ITPK1: variants seen among roughly 807,000 people sequenced by gnomAD.
ITPK1 encodes the protein inositol-tetrakisphosphate 1-kinase.
A neutral mutation model predicts 45.3 loss-of-function variants in ITPK1; 21 were observed. The ratio of observed to expected loss-of-function variants is 0.46; its 90% CI spans 0.33 to 0.67. ITPK1 has a LOEUF of 0.67. ITPK1 is among the 30% of genes least tolerant of loss of function. ITPK1 has a pLI of 0.02. For missense variants in ITPK1, 474 were observed against 573.5 expected (o/e 0.83, Z 1.77); for synonymous variants, 258 against 253.6 (o/e 1.02, Z -0.16).
At chr14:93,113,126 T>C (rs1029956070) in intron 2 of ITPK1, among the ~76,000 whole-genome samples, 1 of 152,276 alleles carries the variant, frequency 6.6e-6, no homozygotes, top group African/African-American at 2.4e-5. Flanking sequence ...CCTCGGGTTC[T>C]AGAATGGCCC....
At chr14:93,101,108 G>A (rs1324825316) in intron 2 of ITPK1, among the ~76,000 whole-genome samples, 3 of 152,152 alleles carry the variant, frequency 2.0e-5, no homozygotes, top group African/African-American at 7.2e-5. Context: ...GGCCGGGATG[G>A]GGTCCACCAA....
chr14:93,016,425 C>A lies in ITPK1; in HGVS notation c.246+251G>T, dbSNP rs1401738160. On this transcript the variant is annotated intron_variant, in intron 4 of 10. Transcript: ENST00000267615. The surrounding 1 kb of genome is among the most constrained non-coding windows in gnomAD (Gnocchi z 5.0). ...ACTCAGCGATGCCTCATCAGTAAACCGTGTCTACACAGCCAGGGGGTGGAG... is the reference window on the plus strand; with the variant it reads ...ACTCAGCGATGCCTCATCAGTAAACAGTGTCTACACAGCCAGGGGGTGGAG... Among the ~76,000 whole-genome samples the A allele has an allele frequency of 6.6e-6, 1 of 152,062 alleles. No homozygotes were observed.
At chr14:93,106,802 G>A (rs1410882480) in intron 2 of ITPK1, among the ~76,000 whole-genome samples, 4 of 152,052 alleles carry the variant, frequency 2.6e-5, no homozygotes, top group East Asian at 3.9e-4. Context: ...AAGCCCCTCC[G>A]GAACCTGGGA....
At position 92,958,593 on chromosome 14, in the gene ITPK1, C is replaced by T. The variant is rs567056248; in HGVS notation, c.505-227G>A. 3.0e-4 allele frequency among the ~76,000 whole-genome samples: 46 copies of T among 152,162 alleles called. No individual in the cohort carries two copies. Among genetic ancestry groups the T allele is most frequent in the Non-Finnish European group, 4.7e-4 (32 of 68,032 alleles). ...ACGGGGTTGGAGATCCTCCCTTCAC[C>T]GGGCCTGCCATGTGAGATCGAGCTG... On this transcript the variant is annotated intron_variant, in intron 7 of 10. Coordinates refer to ENST00000267615, the MANE Select transcript of ITPK1 (RefSeq NM_014216.6). The surrounding 1 kb of genome is among the most constrained non-coding windows in gnomAD (Gnocchi z 4.4).
chr14:93,100,837 G>C (rs923826941), intron 2 of ITPK1, among the ~76,000 whole-genome samples: 3 of 152,162 alleles, frequency 2.0e-5, no homozygotes, highest in African/African-American at 7.2e-5. Flanking sequence ...GAGAGGACTG[G>C]AGCACACAGC....
chr14:92,938,800 G>A lies in ITPK1; in HGVS notation c.*2761C>T. 3.5e-6 allele frequency: 2 copies of A among 578,246 alleles called. No homozygotes were observed. The highest frequency in any genetic ancestry group is 6.1e-6 in the Non-Finnish European group (2 of 325,368). The allele number at this position is 578,246 out of a possible 1,614,324, so 35.8% of individuals were successfully genotyped here. ...ACCCAGCAGCTGGCACTCAGTTGGGGGGTTATGTTTGCAGAATCACATCAC... is the reference window on the plus strand; with the variant it reads ...ACCCAGCAGCTGGCACTCAGTTGGGAGGTTATGTTTGCAGAATCACATCAC... On this transcript the variant is annotated 3_prime_UTR_variant, in exon 11 of 11. Coordinates refer to ENST00000267615, the MANE Select transcript of ITPK1 (RefSeq NM_014216.6).
At chr14:93,047,471 T>A (rs1164694806) in intron 3 of ITPK1, among the ~76,000 whole-genome samples, 1 of 152,178 alleles carries the variant, frequency 6.6e-6, no homozygotes, top group East Asian at 1.9e-4. Flanking sequence ...ATATGACTAG[T>A]GTCCTTATAG....
intron 2 of ITPK1, among the ~76,000 whole-genome samples, chr14:93,094,521 T>C (rs1335383509): frequency 6.6e-6 from 1 of 152,160 alleles, no homozygotes; most frequent in Non-Finnish European, 1.5e-5. Context: ...GTGCATGCCC[T>C]GTGCTGGGTG....
intron 3 of ITPK1, among the ~76,000 whole-genome samples, chr14:93,024,625 C>G (rs1888640327): frequency 6.6e-6 from 1 of 152,190 alleles, no homozygotes; most frequent in Admixed American, 6.5e-5. Flanking sequence ...TCACCTCCAC[C>G]AGAACTACCG....
At chr14:93,084,540 G>A (rs1329138033) in intron 2 of ITPK1, among the ~76,000 whole-genome samples, 2 of 151,940 alleles carry the variant, frequency 1.3e-5, no homozygotes, top group African/African-American at 2.4e-5. Flanking sequence ...CATGCTGAAT[G>A]AGTTGTGAGT....
At chr14:93,084,543 T>C (rs1891574758) in intron 2 of ITPK1, among the ~76,000 whole-genome samples, 1 of 150,150 alleles carries the variant, frequency 6.7e-6, no homozygotes, top group East Asian at 2.0e-4. Flanking sequence ...GCTGAATGAG[T>C]TGTGAGTAAA....
intron 10 of ITPK1, among the ~76,000 whole-genome samples, chr14:92,945,250 A>G (rs1887627950): frequency 6.6e-6 from 1 of 152,240 alleles, no homozygotes; most frequent in Admixed American, 6.5e-5. Context: ...AGGAGCCAGC[A>G]CACTCCTCTG....
At chr14:93,113,919 A>C (rs116556177) in intron 2 of ITPK1, among the ~76,000 whole-genome samples, 4,388 of 152,306 alleles carry the variant, frequency 0.029, 106 homozygotes, top group Admixed American at 0.083. Context: ...GCCCTTGGGA[A>C]AGGCATGAGG....
chr14:93,049,939 T>G (rs765333817), intron 3 of ITPK1, among the ~76,000 whole-genome samples: 3 of 151,876 alleles, frequency 2.0e-5, no homozygotes, highest in Admixed American at 1.3e-4. Flanking sequence ...GGAGTCAAGT[T>G]ACAAACACGG....
intron 2 of ITPK1, among the ~76,000 whole-genome samples, chr14:93,111,785 C>T (rs1355131989): frequency 3.3e-5 from 5 of 151,200 alleles, no homozygotes; most frequent in Admixed American, 2.6e-4. Flanking sequence ...CTAGGGAAGG[C>T]AGGTGGGAGG....
intron 5 of ITPK1, among the ~76,000 whole-genome samples, chr14:92,971,788 G>T (rs894104857): frequency 2.0e-5 from 3 of 152,210 alleles, no homozygotes; most frequent in African/African-American, 4.8e-5. Flanking sequence ...CACCTCCCGG[G>T]GTGGTTGCAG....
At chr14:93,071,647 C>T (rs1378529673) in intron 3 of ITPK1, 3 of 152,130 alleles carry the variant, frequency 2.0e-5, no homozygotes, top group Non-Finnish European at 4.4e-5. Flanking sequence ...ATTAGAGATT[C>T]GCCATCATCC....
rs1284983837 is a variant in ITPK1, at chr14:93,036,429, C to T, written c.121-19628G>A. On this transcript the variant is annotated intron_variant, in intron 3 of 10. Transcript: ENST00000267615. This position sits in a 1 kb window ranked among gnomAD's most constrained non-coding sequence, Gnocchi z 4.1. Reference sequence around the variant, plus strand: ...AATGTGACAGGCTCCTCAGTATTCACGGCTGCTTTCCCGCACGTCAGACAC... The same window carrying T: ...AATGTGACAGGCTCCTCAGTATTCATGGCTGCTTTCCCGCACGTCAGACAC... 1.3e-5 allele frequency among the ~76,000 whole-genome samples: 2 copies of T among 152,204 alleles called. No individual in the cohort carries two copies. Among genetic ancestry groups the T allele is most frequent in the Non-Finnish European group, 2.9e-5 (2 of 68,022 alleles).
chr14:92,987,927 C>T (rs912066059), intron 5 of ITPK1, among the ~76,000 whole-genome samples: 10 of 152,200 alleles, frequency 6.6e-5, no homozygotes, highest in African/African-American at 1.2e-4. Flanking sequence ...TCCCAGCTGC[C>T]GCCTCATGCC....
Sources: allele counts gnomAD v4.1 joint callset (sites outside exome capture counted in the v4.1 genomes callset), GRCh38; gene constraint gnomAD v4.1.1; non-coding constraint Gnocchi (gnomAD v3.1); transcripts MANE v1.5; gene names NCBI Gene and HGNC (gene_info 2026-07-23, HGNC 2026-07-21).